CNTN5: variants seen among roughly 807,000 people sequenced by gnomAD.
CNTN5 encodes the protein contactin-5.
CNTN5 carries 77 observed loss-of-function variants against 129.1 expected under a neutral mutation model. That is an observed-to-expected ratio of 0.60 (90% CI 0.50 to 0.72). CNTN5 has a LOEUF of 0.72. CNTN5 is among the 30% of genes least tolerant of loss of function. The pLI, the probability that CNTN5 is intolerant of heterozygous loss-of-function variation, is 0.00. For synonymous variants in CNTN5, 509 were observed against 465.6 expected, an observed-to-expected ratio of 1.09 and a Z score of -1.20; for missense variants, 1,478 against 1,328.8, an observed-to-expected ratio of 1.11 and a Z score of -1.75.
chr11:99,667,443 A>T (rs965137648), intron 3 of CNTN5, among the ~76,000 whole-genome samples: 34 of 152,148 alleles, frequency 2.2e-4, no homozygotes, highest in Admixed American at 9.2e-4. Context: ...TTACACCTCA[A>T]TGGCTAATGT....
chr11:99,096,777 T>C (rs76561557), intron 1 of CNTN5, among the ~76,000 whole-genome samples: 3 of 151,910 alleles, frequency 2.0e-5, no homozygotes, highest in East Asian at 1.9e-4. Context: ...TAAATACGTA[T>C]GAAGGGTGTA....
intron 1 of CNTN5, among the ~76,000 whole-genome samples, chr11:99,279,180 T>C (rs916913432): frequency 6.6e-6 from 1 of 151,816 alleles, no homozygotes; most frequent in African/African-American, 2.4e-5. Flanking sequence ...GTCAAACCTA[T>C]TGGACTCACT....
Position 99,636,281 on chromosome 11 carries a change from G to A in CNTN5, c.55+80012G>A, listed in dbSNP as rs146163016. Among the ~76,000 whole-genome samples, 8 of 152,142 alleles carry A rather than the reference G, an allele frequency of 5.3e-5. No individual in the cohort carries two copies. The East Asian group carries it at 1.2e-3, about 22-fold the overall frequency. On this transcript the variant is annotated intron_variant, in intron 3 of 24. Coordinates refer to ENST00000524871, the MANE Select transcript of CNTN5 (RefSeq NM_014361.4). ...TGGCCTAGCCAAATAATTACCCAAT[G>A]AAAGTGAAAAAGCATCTTCCCTAAT... is the stretch of plus-strand genomic sequence containing the variant.
At chr11:99,719,181 T>C (rs1323434529) in intron 3 of CNTN5, among the ~76,000 whole-genome samples, 1 of 151,898 alleles carries the variant, frequency 6.6e-6, no homozygotes, top group Non-Finnish European at 1.5e-5. Flanking sequence ...TAGCTGGGTG[T>C]GGTGGCACAC....
At chr11:99,436,422 AC>A (rs138172686) in intron 2 of CNTN5, among the ~76,000 whole-genome samples, 26,108 of 152,052 alleles carry the variant, frequency 0.17, 2,377 homozygotes, top group Middle Eastern at 0.3. Context: ...TATTGTCCTA[AC>A]CACTACATAG....
intron 2 of CNTN5, among the ~76,000 whole-genome samples, chr11:99,386,080 G>C (rs1389486526): frequency 6.6e-6 from 1 of 152,126 alleles, no homozygotes; most frequent in Non-Finnish European, 1.5e-5. Flanking sequence ...ACTCAAGCCC[G>C]TTTTTCTGAA....
chr11:100,088,963 TA>T (rs942670502), intron 13 of CNTN5, among the ~76,000 whole-genome samples: 3 of 151,810 alleles, frequency 2.0e-5, no homozygotes, highest in African/African-American at 4.8e-5. Flanking sequence ...TATCCCCAAT[TA>T]AAAAAACAAA....
At chr11:100,355,601 G>A (rs1394383763) in intron 24 of CNTN5, among the ~76,000 whole-genome samples, 2 of 137,398 alleles carry the variant, frequency 1.5e-5, no homozygotes, top group African/African-American at 5.5e-5. Context: ...ACAAATACGT[G>A]AGTAACATAT....
In CNTN5 at chr11:100,156,214, G is replaced by A. The variant is rs150878478; in HGVS notation, c.1581-34912G>A. ...TTATTTAGAGTTTTTAGCATGAAGC[G>A]GTGTTGAATTTTGTCGAAGGCCTTT... On this transcript the variant is annotated intron_variant, in intron 13 of 24. Transcript: ENST00000524871. Among the ~76,000 whole-genome samples the A allele has an allele frequency of 5.3e-3, 802 of 152,144 alleles. 11 individuals are homozygous for A. Among genetic ancestry groups the A allele is most frequent in the African/African-American group, 0.017 (724 of 41,542 alleles).
chr11:99,763,914 C>T (rs1041831738), intron 3 of CNTN5, among the ~76,000 whole-genome samples: 1 of 151,852 alleles, frequency 6.6e-6, no homozygotes, highest in South Asian at 2.1e-4. Flanking sequence ...GATAAAGGGA[C>T]AATATGAAAT....
At chr11:100,019,315 T>G (rs187933883) in intron 9 of CNTN5, among the ~76,000 whole-genome samples, 5 of 152,096 alleles carry the variant, frequency 3.3e-5, no homozygotes, top group Admixed American at 2.0e-4. Flanking sequence ...GAATTAATTT[T>G]TGTATGATAC....
At chr11:99,749,615 T>G (rs371787155) in intron 3 of CNTN5, among the ~76,000 whole-genome samples, 3 of 152,212 alleles carry the variant, frequency 2.0e-5, no homozygotes, top group East Asian at 3.9e-4. Flanking sequence ...TCTAGTTGTT[T>G]TCAAAATCCA....
Position 100,287,282 on chromosome 11 carries a change from A to G in CNTN5, c.2315-10343A>G, listed in dbSNP as rs1038724244. 1.8e-3 allele frequency among the ~76,000 whole-genome samples: 269 copies of G among 152,138 alleles called. 1 individual carries two copies. The highest frequency in any genetic ancestry group is 5.9e-3 in the African/African-American group (243 of 41,482). ...TGCCATAAAGATACTCCTCGAGAAG[A>G]GCAACTCCAAGACACATAATTGTCA... On this transcript the variant is annotated intron_variant, in intron 18 of 24. Transcript: ENST00000524871.
At chr11:100,053,808 C>T (rs1016404744) in intron 9 of CNTN5, among the ~76,000 whole-genome samples, 1 of 151,698 alleles carries the variant, frequency 6.6e-6, no homozygotes, top group African/African-American at 2.4e-5. Flanking sequence ...AACCAAATGT[C>T]CAACAGTCAG....
chr11:99,318,271 T>G (rs1448787485), intron 1 of CNTN5, among the ~76,000 whole-genome samples: 1 of 152,188 alleles, frequency 6.6e-6, no homozygotes, highest in Non-Finnish European at 1.5e-5. Context: ...GTTGTTTTCA[T>G]GTATAATCTG....
intron 1 of CNTN5, among the ~76,000 whole-genome samples, chr11:99,178,409 T>A (rs1302870466): frequency 6.6e-6 from 1 of 151,448 alleles, no homozygotes; most frequent in Middle Eastern, 3.2e-3. Flanking sequence ...TAGTCCTAGC[T>A]ATTCAGGAGC....
At chr11:99,539,529 T>C (rs1948020934) in intron 2 of CNTN5, among the ~76,000 whole-genome samples, 1 of 152,106 alleles carries the variant, frequency 6.6e-6, no homozygotes, top group African/African-American at 2.4e-5. Context: ...CCTATATTTC[T>C]AGCATTTTTC....
intron 3 of CNTN5, among the ~76,000 whole-genome samples, chr11:99,806,583 C>T (rs1053921510): frequency 1.3e-5 from 2 of 151,724 alleles, no homozygotes; most frequent in African/African-American, 4.8e-5. Context: ...CTGAGGTGGG[C>T]AGATCATGAG....
rs368626923 is a variant in CNTN5, at chr11:99,528,541, C to T, written c.-70-27604C>T. On this transcript the variant is annotated intron_variant, in intron 2 of 24. Coordinates refer to ENST00000524871, the MANE Select transcript of CNTN5 (RefSeq NM_014361.4). ...AGTAAGTTACAACTGCATATGCAGT[C>T]ACCAAAAGAGCTGAGATCTTGAGAA... Among the ~76,000 whole-genome samples the T allele has an allele frequency of 3.9e-5, 6 of 152,190 alleles. No homozygotes were observed. In the South Asian group the frequency reaches 1.0e-3, roughly 26 times the overall value.
Sources: gnomAD v4.1 joint callset for allele counts (sites outside exome capture counted in the v4.1 genomes callset) on GRCh38, gnomAD v4.1.1 for gene constraint, MANE v1.5 for transcripts, NCBI Gene and HGNC (gene_info 2026-07-23, HGNC 2026-07-21) for gene names.